PTPRS: variants seen among roughly 807,000 people sequenced by gnomAD.
PTPRS encodes protein tyrosine phosphatase receptor type S, also known as receptor-type tyrosine-protein phosphatase S.
A neutral mutation model predicts 215.3 loss-of-function variants in PTPRS; 63 were observed. That is an observed-to-expected ratio of 0.29 (90% CI 0.24 to 0.36). The LOEUF is 0.36. Among genes scored for constraint, PTPRS ranks in the 10% least tolerant of loss-of-function variants. The pLI is 1.00. For synonymous variants in PTPRS, 1,404 were observed against 1,191.4 expected, an observed-to-expected ratio of 1.18 and a Z score of -3.68; for missense variants, 2,258 against 2,825.8, an observed-to-expected ratio of 0.80 and a Z score of 4.56.
At position 5,223,008 on chromosome 19, in the gene PTPRS, G is replaced by A. The variant is rs976553513; in HGVS notation, c.2784C>T (p.Pro928=). 10 of 1,542,886 alleles carry A rather than the reference G, an allele frequency of 6.5e-6. No individual in the cohort carries two copies. Among genetic ancestry groups the A allele is most frequent in the Non-Finnish European group, 8.7e-6 (10 of 1,146,786 alleles). The change falls in exon 18 of 38, where the codon CCC becomes CCT. Residue 928 remains proline (P), a synonymous_variant. Transcript: ENST00000262963. ...CCTCCAGAATCTGCGGGTGGCCACGGGGCGTGTCCTCCGGGATGCTCAGGA... is the reference window on the plus strand; with the variant it reads ...CCTCCAGAATCTGCGGGTGGCCACGAGGCGTGTCCTCCGGGATGCTCAGGA... ...AEVLSIPEDT[P]RGHPQILEAA... is the part of the protein sequence containing the mutation.
At chr19:5,279,910 C>G (rs1322243745) in intron 2 of PTPRS, among the ~76,000 whole-genome samples, 1 of 152,048 alleles carries the variant, frequency 6.6e-6, no homozygotes, top group East Asian at 1.9e-4. Context: ...GTCTCGATCT[C>G]CTGACCTCGT....
chr19:5,331,924 T>G (rs895845324), intron 1 of PTPRS, among the ~76,000 whole-genome samples: 1 of 152,218 alleles, frequency 6.6e-6, no homozygotes, highest in Non-Finnish European at 1.5e-5. Flanking sequence ...GCTATCACAC[T>G]GGTGCCTCTA....
chr19:5,304,630 T>C (rs1402398402), intron 1 of PTPRS, among the ~76,000 whole-genome samples: 3 of 151,906 alleles, frequency 2.0e-5, no homozygotes, highest in Non-Finnish European at 2.9e-5. Flanking sequence ...GTCTGGGTGA[T>C]AGGGGGAGAC....
At chr19:5,239,158 G>GGA (rs1333975181) in intron 12 of PTPRS, 95 bp from the exon 13 acceptor site, 1 of 714,562 alleles carries the variant, frequency 1.4e-6, no homozygotes, top group African/African-American at 2.6e-5. Flanking sequence ...AACAGAGGGG[G>GGA]GAGGGGGAGA....
At chr19:5,289,991 A>G (rs1308954385) in intron 1 of PTPRS, among the ~76,000 whole-genome samples, 1 of 152,250 alleles carries the variant, frequency 6.6e-6, no homozygotes, top group Non-Finnish European at 1.5e-5. Flanking sequence ...AGAAAGGGAA[A>G]TTAAGTCAGG....
intron 1 of PTPRS, among the ~76,000 whole-genome samples, chr19:5,333,349 T>C (rs889881292): frequency 1.4e-5 from 2 of 139,674 alleles, no homozygotes; most frequent in Non-Finnish European, 3.2e-5. Context: ...ATAATAATAA[T>C]ACAAAAGTCA....
At position 5,262,987 on chromosome 19, in the gene PTPRS, CAGG is replaced by C; in HGVS notation, c.569-18_569-16del. ...ACCAAAGGTTTCTGAACGTTTACAA[CAGG>C]AGGATAAGAAAAGAGAACAGGAACG... On this transcript the variant is annotated splice_polypyrimidine_tract_variant and intron_variant, in intron 5 of 37. Transcript: ENST00000262963. The C allele has an allele frequency of 6.7e-7, 1 of 1,483,678 alleles. No homozygotes were observed. Among genetic ancestry groups the C allele is most frequent in the African/African-American group, 1.5e-5 (1 of 64,664 alleles). The allele number at this position is 1,483,678 out of a possible 1,614,324, so 91.9% of individuals were successfully genotyped here.
At chr19:5,255,989 T>TTC in intron 9 of PTPRS, 119 bp downstream of exon 9, 1 of 718,490 alleles carries the variant, frequency 1.4e-6, no homozygotes, top group Non-Finnish European at 2.2e-6. Context: ...CTATTTTTTT[T>TTC]CCGTGTGTGT....
chr19:5,297,650 T>C (rs2147066940), intron 1 of PTPRS, among the ~76,000 whole-genome samples: 1 of 152,236 alleles, frequency 6.6e-6, no homozygotes, highest in Admixed American at 6.5e-5. Context: ...CTCTTAGAAG[T>C]GGTGATAATT....
chr19:5,329,300 A>G (rs2050253111), intron 1 of PTPRS, among the ~76,000 whole-genome samples: 2 of 152,122 alleles, frequency 1.3e-5, no homozygotes, highest in Admixed American at 6.5e-5. Context: ...AGAGAGGGAA[A>G]GTGACTTCCC....
At chr19:5,317,833 C>G (rs1217410891) in intron 1 of PTPRS, among the ~76,000 whole-genome samples, 1 of 151,840 alleles carries the variant, frequency 6.6e-6, no homozygotes, top group Non-Finnish European at 1.5e-5. Context: ...CTCAGGAGTT[C>G]GGGACCACCC....
intron 24 of PTPRS, 98 bp from the exon 25 acceptor site, chr19:5,218,630 A>G (rs866617578): frequency 6.6e-7 from 1 of 1,514,716 alleles, no homozygotes; most frequent in Middle Eastern, 1.7e-4. Context: ...GAAAAGGACC[A>G]TGGACCCGTA....
chr19:5,238,212 G>A (rs2043651661), intron 13 of PTPRS, among the ~76,000 whole-genome samples: 1 of 152,182 alleles, frequency 6.6e-6, no homozygotes, highest in Non-Finnish European at 1.5e-5. Flanking sequence ...GTTTAGAGAA[G>A]TCAGGGAGAG....
chr19:5,300,781 AAAAAG>A (rs1555805022), intron 1 of PTPRS, among the ~76,000 whole-genome samples: 6 of 151,224 alleles, frequency 4.0e-5, no homozygotes, highest in East Asian at 1.9e-4. Context: ...AAAAAAAAAA[AAAAAG>A]AAAAGAAAAG....
At chr19:5,247,557 G>A (rs938554419) in intron 9 of PTPRS, among the ~76,000 whole-genome samples, 5 of 152,302 alleles carry the variant, frequency 3.3e-5, no homozygotes, top group East Asian at 1.9e-4. Flanking sequence ...ACATGGGTGC[G>A]TCCCCAGCTT....
intron 1 of PTPRS, among the ~76,000 whole-genome samples, chr19:5,321,912 T>G (rs1005423126): frequency 4.0e-5 from 6 of 151,662 alleles, no homozygotes; most frequent in African/African-American, 1.5e-4. Flanking sequence ...ATAGGTAAGC[T>G]GAGGCTGAGT....
chr19:5,241,681 T>C (rs2044053746), intron 11 of PTPRS, among the ~76,000 whole-genome samples: 1 of 152,008 alleles, frequency 6.6e-6, no homozygotes, highest in Non-Finnish European at 1.5e-5. Context: ...AGTGGGTGCC[T>C]GAGTCTGCCC....
chr19:5,325,087 T>G (rs1444366852), intron 1 of PTPRS, among the ~76,000 whole-genome samples: 1 of 152,226 alleles, frequency 6.6e-6, no homozygotes, highest in Non-Finnish European at 1.5e-5. Context: ...CGACAATCAC[T>G]GGGGCCCAGG....
chr19:5,212,913 G>A (rs944984239), intron 30 of PTPRS, among the ~76,000 whole-genome samples: 67 of 149,862 alleles, frequency 4.5e-4, no homozygotes, highest in Non-Finnish European at 2.1e-4. Context: ...GGCTCTAGCT[G>A]GCCCTGGACG....
Sources: allele counts gnomAD v4.1 joint callset (sites outside exome capture counted in the v4.1 genomes callset), GRCh38; gene constraint gnomAD v4.1.1; transcripts MANE v1.5; gene names NCBI Gene and HGNC (gene_info 2026-07-23, HGNC 2026-07-21).